RTTN: variants seen among roughly 807,000 people sequenced by gnomAD.
RTTN encodes the protein rotatin.
RTTN carries 182 observed loss-of-function variants against 269.2 expected under a neutral mutation model. The observed-to-expected ratio is 0.68, with a 90% CI of 0.60 to 0.76. The LOEUF (loss-of-function observed/expected upper bound fraction) is 0.76. Among genes scored for constraint, RTTN ranks in the 30% least tolerant of loss-of-function variants. RTTN has a pLI of 0.00. For missense variants in RTTN, 2,545 were observed against 2,608.6 expected (o/e 0.98, Z 0.53); for synonymous variants, 1,006 against 963.5 (o/e 1.04, Z -0.82).
At chr18:70,057,047 A>G (rs1209463638) in intron 37 of RTTN, among the ~76,000 whole-genome samples, 1 of 152,212 alleles carries the variant, frequency 6.6e-6, no homozygotes, top group Non-Finnish European at 1.5e-5. Flanking sequence ...CAACAGCTTC[A>G]AAGACCATGC....
chr18:70,051,600 A>C (rs1041580035), intron 38 of RTTN, 52 bp from the exon 39 acceptor site: 7 of 1,399,678 alleles, frequency 5.0e-6, no homozygotes, highest in Non-Finnish European at 6.8e-6. Flanking sequence ...AAGGAAAAGA[A>C]CCTTTCAAGA....
intron 32 of RTTN, among the ~76,000 whole-genome samples, chr18:70,081,526 T>C (rs1360853966): frequency 1.3e-5 from 2 of 152,168 alleles, no homozygotes; most frequent in Non-Finnish European, 2.9e-5. Context: ...TCTCTTGACA[T>C]GTTGCACTGA....
chr18:70,067,317 G>A (rs2058166596), intron 34 of RTTN, among the ~76,000 whole-genome samples: 1 of 151,970 alleles, frequency 6.6e-6, no homozygotes, highest in South Asian at 2.1e-4. Context: ...CCGCCACCAC[G>A]CCCGGCTAAT....
chr18:70,186,183 C>T (rs565732275), intron 10 of RTTN, among the ~76,000 whole-genome samples: 2 of 152,088 alleles, frequency 1.3e-5, no homozygotes, highest in East Asian at 3.9e-4. Flanking sequence ...CCCCATTGTC[C>T]ACCAACAGGT....
chr18:70,063,366 T>C (rs2058044623), intron 35 of RTTN, among the ~76,000 whole-genome samples: 1 of 152,206 alleles, frequency 6.6e-6, no homozygotes. Context: ...TTTAGGTCCT[T>C]TGTGAATTAT....
In RTTN at chr18:70,155,246, AG is replaced by A. The variant is rs575018687; in HGVS notation, c.1930-4514del. On this transcript the variant is annotated intron_variant, in intron 14 of 48. Transcript: ENST00000640769. Reference sequence around the variant, plus strand: ...TCACCACTAACTGTCAAATCCCTAAAGGCAAGGCAGAAACAAATATACAACC... The same window carrying A: ...TCACCACTAACTGTCAAATCCCTAAAGCAAGGCAGAAACAAATATACAACC... Among the ~76,000 whole-genome samples, 184 of 152,332 alleles carry A rather than the reference AG, an allele frequency of 1.2e-3. 1 individual carries two copies. The highest frequency in any genetic ancestry group is 2.2e-3 in the Non-Finnish European group (148 of 68,028).
chr18:70,145,094 T>A (rs550171750), intron 18 of RTTN, among the ~76,000 whole-genome samples: 2 of 152,192 alleles, frequency 1.3e-5, no homozygotes, highest in African/African-American at 4.8e-5. Context: ...TCAGTTCTCA[T>A]AGGAGTGCAA....
chr18:70,005,608 T>C (rs2056160772), intron 47 of RTTN: 1 of 195,396 alleles, frequency 5.1e-6, no homozygotes, highest in South Asian at 1.7e-4. Flanking sequence ...AGATTTCTGA[T>C]CACATATACC....
intron 28 of RTTN, among the ~76,000 whole-genome samples, chr18:70,097,076 A>G (rs2059022854): frequency 6.6e-6 from 1 of 152,236 alleles, no homozygotes; most frequent in African/African-American, 2.4e-5. Context: ...GACCTTTGCC[A>G]GTATTTTCTT....
chr18:70,093,760 T>C (rs2058919217), intron 28 of RTTN, among the ~76,000 whole-genome samples: 1 of 152,180 alleles, frequency 6.6e-6, no homozygotes, highest in Non-Finnish European at 1.5e-5. Flanking sequence ...ACCTGAAATT[T>C]TCTTTTTTTG....
chr18:70,184,568 AAAAT>A (rs1291593952), intron 10 of RTTN, among the ~76,000 whole-genome samples: 1 of 151,906 alleles, frequency 6.6e-6, no homozygotes, highest in African/African-American at 2.4e-5. Flanking sequence ...AATAAAAATA[AAAAT>A]AAATAATGAG....
rs1021871500 is a variant in RTTN, at chr18:70,092,733, G to A, written c.3975C>T (p.Ser1325=). The A allele has an allele frequency of 2.7e-5, 43 of 1,613,514 alleles. No homozygotes were observed. Among genetic ancestry groups the A allele is most frequent in the Non-Finnish European group, 3.6e-5 (42 of 1,179,692 alleles). ...MSFMGKGVTK[S]TILCLLHLSH... The stretch of plus-strand genomic sequence containing the variant: ...ATAAGTGAAGCAAGCAAAGAATTGT[G>A]CTCTTTGTAACACCTTTTCCCATGA... The change falls in exon 29 of 49, where the codon AGC becomes AGT. Residue 1325 remains serine (S), a synonymous_variant. Transcript: ENST00000640769.
At chr18:70,066,141 C>A (rs2058127274) in intron 34 of RTTN, among the ~76,000 whole-genome samples, 1 of 152,090 alleles carries the variant, frequency 6.6e-6, no homozygotes, top group South Asian at 2.1e-4. Context: ...AAATCAGTAA[C>A]TCAAAGGAGC....
intron 12 of RTTN, among the ~76,000 whole-genome samples, chr18:70,167,996 A>G (rs187442379): frequency 6.6e-6 from 1 of 152,110 alleles, no homozygotes; most frequent in Admixed American, 6.6e-5. Context: ...AACAATTTAA[A>G]TATTAGCCAG....
chr18:70,114,550 C>T lies in RTTN; in HGVS notation c.3578G>A (p.Arg1193Gln), dbSNP rs2059555408. The T allele has an allele frequency of 3.7e-6, 6 of 1,613,610 alleles. No homozygotes were observed. The East Asian group carries it at 1.3e-4, about 36-fold the overall frequency. Reference sequence around the variant, plus strand: ...AGTCCGGATATCATCTGTTTCTTCTCGTGCCTGTGACTCTGTCAGAACCAA... The same window carrying T: ...AGTCCGGATATCATCTGTTTCTTCTTGTGCCTGTGACTCTGTCAGAACCAA... The part of the protein sequence containing the change: ...DLLVLTESQA[R>Q]EETDDIRTAV... Residue 1193 changes from arginine (R) to glutamine (Q), a missense_variant, in exon 27 of 49, where the codon CGA becomes CAA. Transcript: ENST00000640769.
At chr18:70,168,760 C>T in intron 12 of RTTN, 95 bp downstream of exon 12, 1 of 917,534 alleles carries the variant, frequency 1.1e-6, no homozygotes, top group Non-Finnish European at 1.7e-6. Flanking sequence ...CCACCTGTGA[C>T]AATTTAATTA....
rs587780443 is a variant in RTTN at position 70,020,610 on chromosome 18, C to T, written c.6153+5G>A. 3.9e-5 allele frequency: 63 copies of T among 1,610,190 alleles called. No individual in the cohort carries two copies. The Middle Eastern group carries it at 4.9e-4, about 13-fold the overall frequency. ...TTAAGATATGTGGGGAGTTTAAGTG[C>T]GTACCTTCTGAATTACTCCTTTACA... is the stretch of plus-strand genomic sequence containing the variant. On this transcript the variant is annotated splice_donor_5th_base_variant and intron_variant, in intron 45 of 48. Coordinates refer to ENST00000640769, the MANE Select transcript of RTTN (RefSeq NM_173630.4).
intron 14 of RTTN, among the ~76,000 whole-genome samples, chr18:70,151,863 T>A (rs981317569): frequency 1.3e-5 from 2 of 152,180 alleles, no homozygotes; most frequent in Non-Finnish European, 2.9e-5. Flanking sequence ...GGCTTTCTCC[T>A]CTTGATAACA....
Position 70,042,423 on chromosome 18 carries a change from T to TAG in RTTN, c.5541+5546_5541+5547dup, listed in dbSNP as rs988129346. On this transcript the variant is annotated intron_variant, in intron 40 of 48. Coordinates refer to ENST00000640769, the MANE Select transcript of RTTN (RefSeq NM_173630.4). ...CGGAGTCTCGCTCTGTCGCCCAGGA[T>TAG]AGAGTGCAGTGGCGTGATCTCTGCT... is the stretch of plus-strand genomic sequence containing the variant. Among the ~76,000 whole-genome samples, 3 of 135,028 alleles carry TAG rather than the reference T, an allele frequency of 2.2e-5. No individual in the cohort carries two copies. The Admixed American group carries it at 2.5e-4, about 11-fold the overall frequency. The allele number at this position is 135,028 out of a possible 152,430, so 88.6% of individuals were successfully genotyped here.
Sources: allele counts gnomAD v4.1 joint callset (sites outside exome capture counted in the v4.1 genomes callset), GRCh38; gene constraint gnomAD v4.1.1; transcripts MANE v1.5; gene names NCBI Gene and HGNC (gene_info 2026-07-23, HGNC 2026-07-21).